The following SRCAP variants were observed in gnomAD, a reference collection of about 807,000 sequenced individuals.
SRCAP encodes Snf2 related CREBBP activator protein, also known as chromatin remodeling protein SRCAP.
Under a neutral mutation model 263.1 loss-of-function variants are expected in SRCAP, and 46 were observed. The ratio of observed to expected loss-of-function variants is 0.17; its 90% CI spans 0.14 to 0.22. The LOEUF (loss-of-function observed/expected upper bound fraction) is 0.22, where lower values mean the gene tolerates loss of function less well. Ranked by LOEUF, SRCAP falls within the 10% of genes least tolerant of loss-of-function variation. The pLI, the probability that SRCAP is intolerant of heterozygous loss-of-function variation, is 1.00. For missense variants in SRCAP, 3,695 were observed against 4,181.9 expected (o/e 0.88, Z 3.21); for synonymous variants, 1,813 against 1,662.1 (o/e 1.09, Z -2.21).
chr16:30,727,760 G>A (rs574966260), intron 25 of SRCAP, among the ~76,000 whole-genome samples: 2 of 152,150 alleles, frequency 1.3e-5, no homozygotes, highest in Admixed American at 6.5e-5. Context: ...CATCATGTTG[G>A]CCAGGATGGT....
rs752433133 is a variant in SRCAP at position 30,724,329 on chromosome 16, G to A, written c.4905G>A (p.Ser1635=). Residue 1635 remains serine (S), a synonymous_variant, in exon 25 of 34, where the codon TCG becomes TCA. Transcript: ENST00000262518. ...CTCCGGTTCCAGTTATGGCTCCATC[G>A]TCTACTCCAGGAACCTCTTTAGCCT... is the stretch of plus-strand genomic sequence containing the variant. ...SQTPVPVMAP[S]STPGTSLASA... is the part of the protein sequence containing the mutation. The A allele has an allele frequency of 1.4e-5, 22 of 1,614,046 alleles. No homozygotes were observed. Among genetic ancestry groups the A allele is most frequent in the Non-Finnish European group, 1.5e-5 (18 of 1,180,010 alleles).
At chr16:30,707,490 T>C in intron 5 of SRCAP, 82 bp from the exon 6 acceptor site, 2 of 1,605,946 alleles carry the variant, frequency 1.2e-6, no homozygotes, top group Non-Finnish European at 1.7e-6. Flanking sequence ...TTTCCAGATT[T>C]CTTGGCCTTG....
intron 16 of SRCAP, 145 bp from the exon 17 acceptor site, chr16:30,715,921 T>A: frequency 9.7e-7 from 1 of 1,028,452 alleles, no homozygotes; most frequent in East Asian, 2.6e-5. Flanking sequence ...AGCAGATCCC[T>A]TGAGGGCTTG....
At chr16:30,714,737 G>A (rs1453562588) in intron 16 of SRCAP, among the ~76,000 whole-genome samples, 1 of 151,910 alleles carries the variant, frequency 6.6e-6, no homozygotes, top group Non-Finnish European at 1.5e-5. Context: ...CTGACCTTAA[G>A]TGATCCGCCC....
chr16:30,712,937 A>T (rs1414534142), intron 14 of SRCAP, 122 bp downstream of exon 14: 21 of 1,295,226 alleles, frequency 1.6e-5, no homozygotes, highest in Non-Finnish European at 2.2e-5. Context: ...AATTTTTTGT[A>T]AAAATAAAGA....
At chr16:30,726,938 G>A (rs938575897) in intron 25 of SRCAP, among the ~76,000 whole-genome samples, 1 of 152,182 alleles carries the variant, frequency 6.6e-6, no homozygotes, top group Non-Finnish European at 1.5e-5. Context: ...CTGACCTCAG[G>A]TGATCCGCCT....
intron 13 of SRCAP, 120 bp downstream of exon 13, chr16:30,712,559 G>GA: frequency 6.5e-7 from 1 of 1,533,140 alleles, no homozygotes; most frequent in South Asian, 1.2e-5. Context: ...ACTGTATAGA[G>GA]AGGACAGTGT....
Position 30,724,306 on chromosome 16 carries a change from C to A in SRCAP, c.4882C>A (p.Pro1628Thr). The change falls in exon 25 of 34, where the codon CCG (proline) becomes ACG (threonine). Residue 1628 changes from proline to threonine, a missense_variant. Pro to Thr is a conservative substitution (Grantham distance 38). Transcript: ENST00000262518. ...TCCTGTCCTGGCTTCATCACAGACT[C>A]CGGTTCCAGTTATGGCTCCATCGTC... ...AAPVLASSQT[P>T]VPVMAPSSTP... The A allele has an allele frequency of 6.2e-7, 1 of 1,614,134 alleles. No homozygotes were observed. Among genetic ancestry groups the A allele is most frequent in the Non-Finnish European group, 8.5e-7 (1 of 1,180,028 alleles).
At chr16:30,715,463 G>A (rs2151290127) in intron 16 of SRCAP, among the ~76,000 whole-genome samples, 1 of 152,176 alleles carries the variant, frequency 6.6e-6, no homozygotes, top group East Asian at 1.9e-4. Flanking sequence ...TACTCAGGAG[G>A]CTGAGGCAGG....
rs1287045128 is a variant in SRCAP at position 30,713,366 on chromosome 16, C to A, written c.2289C>A (p.Leu763=). The A allele has an allele frequency of 6.2e-7, 1 of 1,614,124 alleles. No individual in the cohort carries two copies. Among genetic ancestry groups the A allele is most frequent in the Admixed American group, 1.7e-5 (1 of 60,014 alleles). ...NFKSQRWQSL[L]NFNSQRRLLL... is the part of the protein sequence containing the mutation. ...AGTCACAGCGCTGGCAGTCACTCCT[C>A]AACTTCAACAGGTGGAGATGGAGAT... The change falls in exon 15 of 34, where the codon CTC becomes CTA. Residue 763 remains leucine (L), a synonymous_variant. Coordinates refer to ENST00000262518, the MANE Select transcript of SRCAP (RefSeq NM_006662.3).
At position 30,700,849 on chromosome 16, in the gene SRCAP, C is replaced by T; in HGVS notation, c.25C>T (p.His9Tyr). Reference sequence around the variant, plus strand: ...CATGCAGAGCAGCCCCTCCCCTGCTCACCCTCAGCTCCCAGTCCTACAGAC... The same window carrying T: ...CATGCAGAGCAGCCCCTCCCCTGCTTACCCTCAGCTCCCAGTCCTACAGAC... MQSSPSPA[H>Y]PQLPVLQTQM... is the part of the protein sequence containing the mutation. The change falls in exon 3 of 34, where the codon CAC (histidine) becomes TAC (tyrosine). Residue 9 changes from histidine to tyrosine, a missense_variant. His to Tyr is a moderately conservative substitution (Grantham distance 83). Transcript: ENST00000262518. The T allele has an allele frequency of 1.9e-6, 3 of 1,614,180 alleles. No homozygotes were observed. The highest frequency in any genetic ancestry group is 2.5e-6 in the Non-Finnish European group (3 of 1,180,008).
rs762290316 is a variant in SRCAP, at chr16:30,711,618, G to A, written c.1366G>A (p.Ala456Thr). 5.6e-6 allele frequency: 9 copies of A among 1,613,268 alleles called. No individual in the cohort carries two copies. Among genetic ancestry groups the A allele is most frequent in the Non-Finnish European group, 7.6e-6 (9 of 1,179,706 alleles). ...ATTGCAGCAGTATGCAGGAGCCTATGCCCCAGGCTCTGGGAGCAGTGAAGA... is the reference window on the plus strand; with the variant it reads ...ATTGCAGCAGTATGCAGGAGCCTATACCCCAGGCTCTGGGAGCAGTGAAGA... ...ELLQQYAGAY[A>T]PGSGSSEDED... Residue 456 changes from alanine (A) to threonine (T), a missense_variant, in exon 11 of 34, where the codon GCC becomes ACC. Ala to Thr is a moderately conservative substitution (Grantham distance 58). Transcript: ENST00000262518.
rs769732050 is a variant in SRCAP at position 30,711,051 on chromosome 16, G to A, written c.1281G>A (p.Val427=). ...CTGAGGAACAGTTGGAAGGGGAGGT[G>A]GATCATGCCATGGAGCTGAGCGAGT... is the stretch of plus-strand genomic sequence containing the variant. ...IAAEEQLEGE[V]DHAMELSELA... Residue 427 remains valine, a synonymous_variant, in exon 10 of 34, where the codon GTG becomes GTA. Transcript: ENST00000262518. 9.3e-6 allele frequency: 15 copies of A among 1,613,924 alleles called. No individual in the cohort carries two copies. The East Asian group carries it at 2.9e-4, about 31-fold the overall frequency.
intron 4 of SRCAP, 68 bp downstream of exon 4, chr16:30,704,383 G>A (rs2052803305): frequency 6.6e-7 from 1 of 1,503,806 alleles, no homozygotes; most frequent in Non-Finnish European, 8.9e-7. Context: ...GTCCTCTTGA[G>A]TATTTTATGT....
chr16:30,707,380 G>A lies in SRCAP; in HGVS notation c.492+12G>A, dbSNP rs200528955. ...GTGTGGCCCGGAAGGTAGGTCTTCC[G>A]CTGGGACTTCCTTCCTTTTCCTTTT... On this transcript the variant is annotated intron_variant, in intron 5 of 33. Coordinates refer to ENST00000262518, the MANE Select transcript of SRCAP (RefSeq NM_006662.3). The A allele has an allele frequency of 1.1e-4, 182 of 1,612,442 alleles. No homozygotes were observed. The highest frequency in any genetic ancestry group is 1.8e-4 in the Admixed American group (11 of 59,952).
chr16:30,709,940 G>A lies in SRCAP; in HGVS notation c.946G>A (p.Ala316Thr). Reference sequence around the variant, plus strand: ...ACAACAGGAAGGCAATGATGCAGAGGCCCAGAGGCGTGAGATTGAGCTGCT... The same window carrying A: ...ACAACAGGAAGGCAATGATGCAGAGACCCAGAGGCGTGAGATTGAGCTGCT... ...EEQQEGNDAE[A>T]QRREIELLRR... is the part of the protein sequence containing the mutation. Residue 316 changes from alanine (A) to threonine (T), a missense_variant, in exon 8 of 34, where the codon GCC (alanine) becomes ACC (threonine). This residue lies in a region of SRCAP where 30 missense variants were observed against 54.1 expected (regional missense o/e 0.55). Coordinates refer to ENST00000262518, the MANE Select transcript of SRCAP (RefSeq NM_006662.3). 3 of 1,614,204 alleles carry A rather than the reference G, an allele frequency of 1.9e-6. No homozygotes were observed. The highest frequency in any genetic ancestry group is 2.2e-5 in the South Asian group (2 of 91,084).
intron 27 of SRCAP, among the ~76,000 whole-genome samples, chr16:30,731,796 G>A (rs898492181): frequency 6.6e-6 from 1 of 152,148 alleles, no homozygotes; most frequent in African/African-American, 2.4e-5. Context: ...GGTGCAGTCA[G>A]CTGTGATCAT....
chr16:30,722,823 C>G (rs1408221270), intron 23 of SRCAP, 75 bp downstream of exon 23: 2 of 1,552,908 alleles, frequency 1.3e-6, no homozygotes, highest in Non-Finnish European at 1.7e-6. Context: ...TACTGTCTGT[C>G]CAGCCTTCCC....
intron 3 of SRCAP, among the ~76,000 whole-genome samples, chr16:30,703,769 C>A (rs1016201061): frequency 2.0e-5 from 3 of 151,302 alleles, no homozygotes; most frequent in South Asian, 2.1e-4. Context: ...TAGTGGCGGG[C>A]GCCTGTAGTC....
Sources: gnomAD v4.1 joint callset for allele counts (sites outside exome capture counted in the v4.1 genomes callset) on GRCh38, gnomAD v4.1.1 for gene constraint, gnomAD v4.1.1 regional missense constraint, MANE v1.5 for transcripts, NCBI Gene and HGNC (gene_info 2026-07-23, HGNC 2026-07-21) for gene names.